ZNF248: variants seen among roughly 807,000 people sequenced by gnomAD.
The protein encoded by ZNF248 is zinc finger protein 248, also known as KRAB protein domain.
In ZNF248, 20 loss-of-function variants were observed where a neutral mutation model predicts 44.3. The ratio of observed to expected loss-of-function variants is 0.45; its 90% confidence interval spans 0.32 to 0.66. The LOEUF is 0.66. Among genes scored for constraint, ZNF248 ranks in the 30% least tolerant of loss-of-function variants. ZNF248 has a pLI of 0.04. For synonymous variants in ZNF248, 224 were observed against 229.0 expected, an observed-to-expected ratio of 0.98 and a Z score of 0.20; for missense variants, 654 against 677.0, an observed-to-expected ratio of 0.97 and a Z score of 0.38.
In ZNF248 at chr10:37,856,330, A is replaced by G; in HGVS notation, c.-20T>C. On this transcript the variant is annotated 5_prime_UTR_variant, in exon 3 of 6. Transcript: ENST00000395867. ...GTTCATTTTCCGCTCTTAGTGGAGGAAGGAGAGCTGAAGGATTAGAAAGGA... is the reference window on the plus strand; with the variant it reads ...GTTCATTTTCCGCTCTTAGTGGAGGGAGGAGAGCTGAAGGATTAGAAAGGA... 6.2e-7 allele frequency: 1 copy of G among 1,613,548 alleles called. No individual in the cohort carries two copies. The highest frequency in any genetic ancestry group is 8.5e-7 in the Non-Finnish European group (1 of 1,179,774).
intron 5 of ZNF248, 75 bp downstream of exon 5, chr10:37,837,542 A>T (rs2057473624): frequency 9.7e-6 from 12 of 1,234,128 alleles, no homozygotes; most frequent in South Asian, 9.2e-5. Context: ...AATATTCCAA[A>T]GGTGACAAAT....
chr10:37,801,383 A>T (rs1371177670), intron 6 of ZNF248, among the ~76,000 whole-genome samples: 3 of 152,148 alleles, frequency 2.0e-5, no homozygotes, highest in African/African-American at 7.2e-5. Context: ...CTCAAAAAAA[A>T]AACATTATAT....
At chr10:37,770,580 T>C in the ZNF248 span, among the ~76,000 whole-genome samples, 1 of 152,284 alleles carries the variant, frequency 6.6e-6, no homozygotes. Flanking sequence ...TGTAGAAAGC[T>C]GAAACTGGAT....
chr10:37,820,266 T>C, intron 6 of ZNF248: 3 of 1,375,618 alleles, frequency 2.2e-6, no homozygotes. Context: ...GCTGCAGAAA[T>C]GCTCTGTGTT....
At chr10:37,837,817 A>G (rs897120378) in intron 4 of ZNF248, 105 bp from the exon 5 acceptor site, 49 of 1,349,326 alleles carry the variant, frequency 3.6e-5, no homozygotes, top group Non-Finnish European at 4.7e-5. Flanking sequence ...TACTCAAAGA[A>G]TGTGCACAAA....
At chr10:37,762,046 T>C in the ZNF248 span, among the ~76,000 whole-genome samples, 29 of 152,338 alleles carry the variant, frequency 1.9e-4, no homozygotes, top group East Asian at 5.6e-3. Flanking sequence ...TATGAAATTG[T>C]ATTGTCTCAA....
intron 6 of ZNF248, chr10:37,819,102 C>T (rs1178872965): frequency 3.8e-6 from 3 of 784,470 alleles, no homozygotes; most frequent in African/African-American, 1.7e-5. Flanking sequence ...TTTCTCTCTC[C>T]ACACACTGTA....
rs535915361 is a variant in ZNF248, at chr10:37,836,166, C to G, written c.238+1451G>C. On this transcript the variant is annotated intron_variant, in intron 5 of 5. Coordinates refer to ENST00000395867, the MANE Select transcript of ZNF248 (RefSeq NM_021045.3). The stretch of plus-strand genomic sequence containing the variant: ...CTACCACTTCTCAGTACCTCTGGCA[C>G]TTCCAACAGTCTCAGCCACTATCCT... Among the ~76,000 whole-genome samples the G allele has an allele frequency of 6.1e-4, 93 of 152,206 alleles. No homozygotes were observed. In the South Asian group the frequency reaches 6.8e-3, roughly 11 times the overall value.
chr10:37,829,490 T>C lies in ZNF248; in HGVS notation c.*2125A>G. On this transcript the variant is annotated 3_prime_UTR_variant, in exon 6 of 6. Transcript: ENST00000395867. ...TAATTACCATATAGAACATTAACAC[T>C]TAGAAAAATATTCCTCTGTGTCAGC... The C allele has an allele frequency of 1.0e-6, 1 of 985,106 alleles. No homozygotes were observed. Among genetic ancestry groups the C allele is most frequent in the African/African-American group, 1.7e-5 (1 of 57,318 alleles). The allele number at this position is 985,106 out of a possible 1,614,324, so 61.0% of individuals were successfully genotyped here.
In ZNF248 at chr10:37,857,343, T is replaced by A. The variant is rs888502863; in HGVS notation, c.-284A>T. 1 of 152,314 alleles carries A rather than the reference T, an allele frequency of 6.6e-6. No individual in the cohort carries two copies. The highest frequency in any genetic ancestry group is 2.4e-5 in the African/African-American group (1 of 41,456). 9.4% of individuals were successfully genotyped at this position (152,314 alleles called of 1,614,324 possible). A position where few individuals can be genotyped will look rare whatever the true frequency, so the allele number is the denominator to read the frequency against. On this transcript the variant is annotated 5_prime_UTR_variant, in exon 1 of 6. Coordinates refer to ENST00000395867, the MANE Select transcript of ZNF248 (RefSeq NM_021045.3). ...CGGTCAGAGCCAGCAGGGGCCCTGG[T>A]GGTCAGCTAGGCCAGCCCCTTCGCT... is the stretch of plus-strand genomic sequence containing the variant.
chr10:37,847,185 G>A (rs1309561976), intron 3 of ZNF248, among the ~76,000 whole-genome samples: 2 of 151,994 alleles, frequency 1.3e-5, no homozygotes, highest in Non-Finnish European at 2.9e-5. Context: ...GAGCCACCAT[G>A]CCCAGCTAAC....
chr10:37,803,360 T>A (rs948123821), intron 6 of ZNF248: 1 of 152,228 alleles, frequency 6.6e-6, no homozygotes, highest in African/African-American at 2.4e-5. Context: ...CCCCAGACTG[T>A]GTCCTCACAG....
intron 3 of ZNF248, among the ~76,000 whole-genome samples, chr10:37,853,395 C>T (rs1022118660): frequency 6.6e-6 from 1 of 151,520 alleles, no homozygotes; most frequent in Admixed American, 6.6e-5. Context: ...GTTTTCTTTT[C>T]GAGACGGAGT....
In ZNF248 at chr10:37,838,042, G is replaced by T; in HGVS notation, c.85C>A (p.Gln29Lys). ...QEEWYLLDPA[Q>K]KILYRDVILE... ...ATCACATCTCTGTATAGAATCTTCT[G>T]AGCAGGGTCCAGCAGATACCACTCT... The change falls in exon 4 of 6, where the codon CAG becomes AAG. Residue 29 changes from glutamine to lysine, a missense_variant. Transcript: ENST00000395867. 1 of 1,613,860 alleles carries T rather than the reference G, an allele frequency of 6.2e-7. No homozygotes were observed. The highest frequency in any genetic ancestry group is 1.1e-5 in the South Asian group (1 of 91,042).
chr10:37,768,670 G>T, the ZNF248 span, among the ~76,000 whole-genome samples: 2 of 152,114 alleles, frequency 1.3e-5, no homozygotes, highest in African/African-American at 4.8e-5. Context: ...GAGAAAGGAG[G>T]AAAGATCCAA....
At chr10:37,796,459 TC>T (rs2049168155) in intron 6 of ZNF248, among the ~76,000 whole-genome samples, 1 of 151,926 alleles carries the variant, frequency 6.6e-6, no homozygotes, top group South Asian at 2.1e-4. Flanking sequence ...CCTCAAGTGA[TC>T]CACCCACCTC....
the ZNF248 span, among the ~76,000 whole-genome samples, chr10:37,762,054 C>A: frequency 6.6e-6 from 1 of 152,150 alleles, no homozygotes; most frequent in African/African-American, 2.4e-5. Flanking sequence ...TGTATTGTCT[C>A]AAATCTCATT....
downstream of ZNF248, among the ~76,000 whole-genome samples, chr10:37,825,665 T>TAGCCCAGG (rs1181135998): frequency 6.6e-6 from 1 of 152,104 alleles, no homozygotes; most frequent in Non-Finnish European, 1.5e-5. Flanking sequence ...GGTCCTGAAC[T>TAGCCCAGG]CCTAGGCTCA....
chr10:37,818,549 A>C (rs1032367109), intron 6 of ZNF248: 3 of 340,804 alleles, frequency 8.8e-6, no homozygotes, highest in Non-Finnish European at 1.7e-5. Flanking sequence ...CTGCTGCTAA[A>C]TGCTATTTGT....
Sources: allele counts gnomAD v4.1 joint callset (sites outside exome capture counted in the v4.1 genomes callset), GRCh38; gene constraint gnomAD v4.1.1; transcripts MANE v1.5; gene names NCBI Gene and HGNC (gene_info 2026-07-23, HGNC 2026-07-21).